USH2A: variants seen among roughly 807,000 people sequenced by gnomAD.
USH2A encodes the protein usherin, also known as Usher syndrome 2A (autosomal recessive, mild).
Under a neutral mutation model 538.9 loss-of-function variants are expected in USH2A, and 443 were observed. That is an observed-to-expected ratio of 0.82 (90% CI 0.76 to 0.89). The LOEUF (loss-of-function observed/expected upper bound fraction) is 0.89, where lower values mean the gene tolerates loss of function less well. Among genes scored for constraint, USH2A ranks in the 40% least tolerant of loss-of-function variants. The pLI is 0.00. For missense variants in USH2A, 6,633 were observed against 6,324.8 expected (o/e 1.05, Z -1.65); for synonymous variants, 2,413 against 2,273.5 (o/e 1.06, Z -1.75).
chr1:215,700,963 C>G (rs1182013342), intron 61 of USH2A, among the ~76,000 whole-genome samples: 1 of 152,192 alleles, frequency 6.6e-6, no homozygotes, highest in Non-Finnish European at 1.5e-5. Context: ...AAATTTCCCT[C>G]TAAACACTGC....
At chr1:216,195,200 A>G (rs1033327137) in intron 19 of USH2A, among the ~76,000 whole-genome samples, 13 of 152,070 alleles carry the variant, frequency 8.5e-5, no homozygotes, top group Non-Finnish European at 1.8e-4. Flanking sequence ...GCCCAACAGA[A>G]ATTCATCATA....
At chr1:215,819,381 A>G (rs994653238) in intron 47 of USH2A, among the ~76,000 whole-genome samples, 2 of 148,556 alleles carry the variant, frequency 1.3e-5, no homozygotes, top group Admixed American at 6.8e-5. Flanking sequence ...CAGTCAAGAT[A>G]AACCTCAACA....
Position 216,200,034 on chromosome 1 carries a change from C to T in USH2A, c.3404G>A (p.Arg1135Lys), listed in dbSNP as rs779191150. The T allele has an allele frequency of 6.2e-7, 1 of 1,613,790 alleles. No homozygotes were observed. Among genetic ancestry groups the T allele is most frequent in the Non-Finnish European group, 8.5e-7 (1 of 1,179,962 alleles). Residue 1135 changes from arginine (R) to lysine (K), a missense_variant, in exon 17 of 72, where the codon AGG becomes AAG. Physicochemically the swap from Arg to Lys is conservative, Grantham distance 26 (BLOSUM62 2). Coordinates refer to ENST00000307340, the MANE Select transcript of USH2A (RefSeq NM_206933.4). ...TGTCTTGTAAGTGACAGCTACACTC[C>T]TTGTTGAACCATGCACATTGGTGGT... Reference protein sequence around the residue: ...IETTNVHGSTRSVAVTYKTKP... With the variant: ...IETTNVHGSTKSVAVTYKTKP...
intron 61 of USH2A, among the ~76,000 whole-genome samples, chr1:215,702,504 G>A (rs1659062365): frequency 6.6e-6 from 1 of 151,972 alleles, no homozygotes; most frequent in African/African-American, 2.4e-5. Context: ...ATTTCTTGGA[G>A]CCTTTGTTTG....
rs769304263 is a variant in USH2A at position 215,743,378 on chromosome 1, A to ATG, written c.11390-44_11390-43insCA. 1.8e-5 allele frequency: 8 copies of ATG among 447,850 alleles called. 1 individual carries two copies. Among genetic ancestry groups the ATG allele is most frequent in the Non-Finnish European group, 1.1e-5 (3 of 285,298 alleles). 27.7% of individuals were successfully genotyped at this position (447,850 alleles called of 1,614,324 possible). ...GAGAGAGAACATTAAAAACATATAT[A>ATG]TATATATATGTGTGTGTGTGTGTGT... On this transcript the variant is annotated intron_variant, in intron 58 of 71. Coordinates refer to ENST00000307340, the MANE Select transcript of USH2A (RefSeq NM_206933.4).
In USH2A at chr1:216,070,148, C is replaced by CG; in HGVS notation, c.6001dup (p.Arg2001ProfsTer8). On this transcript the variant is annotated frameshift_variant, in exon 30 of 72. Coordinates refer to ENST00000307340, the MANE Select transcript of USH2A (RefSeq NM_206933.4). LOFTEE classifies it high-confidence loss of function. ...AAATTCAGCACTGGCAGAGGGCATGCGGGGTGGACGGGTGCTGTCCTCACT... is the reference window on the plus strand; with the variant it reads ...AAATTCAGCACTGGCAGAGGGCATGCGGGGGTGGACGGGTGCTGTCCTCACT... The CG allele has an allele frequency of 6.2e-7, 1 of 1,613,956 alleles. No individual in the cohort carries two copies. The highest frequency in any genetic ancestry group is 8.5e-7 in the Non-Finnish European group (1 of 1,179,930).
At chr1:216,105,051 A>G (rs984901817) in intron 21 of USH2A, among the ~76,000 whole-genome samples, 1 of 152,220 alleles carries the variant, frequency 6.6e-6, no homozygotes, top group Non-Finnish European at 1.5e-5. Flanking sequence ...CAACAGACAC[A>G]TGAAAAAATG....
intron 11 of USH2A, among the ~76,000 whole-genome samples, chr1:216,272,195 C>G (rs909328340): frequency 1.3e-5 from 2 of 151,988 alleles, no homozygotes. Flanking sequence ...ATATGTGAGG[C>G]TATTTCTATT....
intron 3 of USH2A, among the ~76,000 whole-genome samples, chr1:216,377,847 GAAAGAA>G (rs1558061797): frequency 7.5e-6 from 1 of 132,504 alleles, no homozygotes; most frequent in African/African-American, 2.8e-5. Context: ...AAGAAAGAAA[GAAAGAA>G]AGAAAGAAAG....
chr1:215,845,311 A>G (rs1663809514), intron 45 of USH2A, among the ~76,000 whole-genome samples: 1 of 152,096 alleles, frequency 6.6e-6, no homozygotes, highest in Admixed American at 6.6e-5. Flanking sequence ...TAAAGCCAAA[A>G]AAGATTAGAA....
At chr1:215,665,903 A>G (rs1344769847) in intron 64 of USH2A, among the ~76,000 whole-genome samples, 1 of 152,258 alleles carries the variant, frequency 6.6e-6, no homozygotes, top group African/African-American at 2.4e-5. Context: ...TGCATGGAAC[A>G]TACATTCACA....
chr1:215,638,187 C>G (rs76813826), intron 69 of USH2A, among the ~76,000 whole-genome samples: 3,421 of 152,278 alleles, frequency 0.022, 110 homozygotes, highest in African/African-American at 0.076. Flanking sequence ...TCTGATCTCT[C>G]CTCTAACTTC....
chr1:216,024,734 G>A (rs1176117242), intron 32 of USH2A, among the ~76,000 whole-genome samples: 1 of 151,912 alleles, frequency 6.6e-6, no homozygotes, highest in East Asian at 1.9e-4. Context: ...TATGTGATGA[G>A]ATATAGCAGA....
At chr1:216,277,081 T>TC (rs1213206266) in intron 11 of USH2A, among the ~76,000 whole-genome samples, 1 of 152,194 alleles carries the variant, frequency 6.6e-6, no homozygotes, top group Admixed American at 6.5e-5. Context: ...CATCCTTTAA[T>TC]CATAACTCCA....
intron 38 of USH2A, among the ~76,000 whole-genome samples, chr1:215,903,455 C>T (rs752546306): frequency 7.2e-5 from 11 of 151,988 alleles, no homozygotes; most frequent in Non-Finnish European, 1.6e-4. Flanking sequence ...GATGTTGCAG[C>T]ATATAGGCAT....
At chr1:215,661,075 A>C (rs1174922959) in intron 64 of USH2A, among the ~76,000 whole-genome samples, 1 of 152,214 alleles carries the variant, frequency 6.6e-6, no homozygotes, top group Non-Finnish European at 1.5e-5. Context: ...ATAATCATAG[A>C]TTGACAAGCC....
intron 35 of USH2A, among the ~76,000 whole-genome samples, chr1:215,982,050 T>C (rs1030964629): frequency 2.6e-5 from 4 of 152,362 alleles, no homozygotes; most frequent in African/African-American, 9.6e-5. Context: ...TCTCCTGTTC[T>C]GGGAACTATT....
chr1:215,911,576 T>A (rs1665783737), intron 38 of USH2A, among the ~76,000 whole-genome samples: 1 of 152,110 alleles, frequency 6.6e-6, no homozygotes, highest in Admixed American at 6.6e-5. Context: ...ATTGTATATA[T>A]GTACCACATT....
intron 3 of USH2A, among the ~76,000 whole-genome samples, chr1:216,417,947 C>A (rs1356328897): frequency 6.6e-6 from 1 of 152,050 alleles, no homozygotes. Context: ...AAATACCAGA[C>A]ATGTCACAGC....
Sources: gnomAD v4.1 joint callset for allele counts (sites outside exome capture counted in the v4.1 genomes callset) on GRCh38, gnomAD v4.1.1 for gene constraint, MANE v1.5 for transcripts, NCBI Gene and HGNC (gene_info 2026-07-23, HGNC 2026-07-21) for gene names.